Variants in MED13L observed in about 807,000 individuals in gnomAD.
MED13L encodes the protein mediator complex subunit 13L.
MED13L carries 7 observed loss-of-function variants against 220.9 expected under a neutral mutation model. That is an observed-to-expected ratio of 0.03 (90% CI 0.02 to 0.06). MED13L has a LOEUF of 0.06. MED13L is among the 10% of genes least tolerant of loss of function. The probability of loss-of-function intolerance (pLI) is 1.00; values close to 1 mark genes in which losing one functional copy is unlikely to be tolerated. For synonymous variants in MED13L, 1,011 were observed against 1,015.2 expected (o/e 1.00, Z 0.08); for missense variants, 1,965 against 2,760.5 (o/e 0.71, Z 6.46).
intron 2 of MED13L, among the ~76,000 whole-genome samples, chr12:116,217,602 G>A (rs950911364): frequency 6.6e-6 from 1 of 152,108 alleles, no homozygotes. Context: ...ACTTTGAAGA[G>A]GCAAAAACAC....
intron 4 of MED13L, among the ~76,000 whole-genome samples, chr12:116,082,866 C>T (rs1871326389): frequency 6.6e-6 from 1 of 152,108 alleles, no homozygotes; most frequent in African/African-American, 2.4e-5. Flanking sequence ...CCAGCATCTG[C>T]TTTTAATGAA....
At chr12:116,163,110 T>C (rs1476148557) in intron 2 of MED13L, among the ~76,000 whole-genome samples, 3 of 152,154 alleles carry the variant, frequency 2.0e-5, no homozygotes, top group Non-Finnish European at 4.4e-5. Context: ...ATGGCAAGAC[T>C]GAAGATTACT....
intron 4 of MED13L, among the ~76,000 whole-genome samples, chr12:116,051,908 A>C (rs1379433312): frequency 6.6e-6 from 1 of 152,196 alleles, no homozygotes; most frequent in Non-Finnish European, 1.5e-5. Flanking sequence ...GAATGCAAGG[A>C]ATAAGATGAA....
At position 116,003,014 on chromosome 12, in the gene MED13L, G is replaced by A; in HGVS notation, c.2558C>T (p.Pro853Leu). ...PLGKDGRAAV[P>L]YPPTVADLQR... is the part of the protein sequence containing the mutation. ...GTTTCTCTACCTACTTGGTGGATAA[G>A]GAACAGCAGCTCTTCCATCCTTCCC... Residue 853 changes from proline to leucine, a missense_variant, in exon 14 of 31, where the codon CCT becomes CTT. This residue lies in a region of MED13L where 9 missense variants were observed against 39.6 expected (regional missense o/e 0.23). Transcript: ENST00000281928. 6.2e-7 allele frequency: 1 copy of A among 1,613,876 alleles called. No homozygotes were observed. The highest frequency in any genetic ancestry group is 8.5e-7 in the Non-Finnish European group (1 of 1,179,766).
chr12:116,104,618 C>G (rs911835331), intron 3 of MED13L, among the ~76,000 whole-genome samples: 2 of 152,164 alleles, frequency 1.3e-5, no homozygotes, highest in Non-Finnish European at 2.9e-5. Context: ...TTATGTTTTA[C>G]AAATGTCAGA....
intron 2 of MED13L, among the ~76,000 whole-genome samples, chr12:116,165,248 T>C (rs1024670222): frequency 7.0e-5 from 10 of 142,704 alleles, no homozygotes; most frequent in Non-Finnish European, 1.5e-4. Flanking sequence ...GGCAATGAAG[T>C]AGGCACCATC....
chr12:116,274,124 T>C (rs751763918), intron 1 of MED13L, among the ~76,000 whole-genome samples: 8 of 152,162 alleles, frequency 5.3e-5, no homozygotes, highest in Non-Finnish European at 7.4e-5. Flanking sequence ...ACCCATATCA[T>C]ATATACACAA....
At chr12:116,045,299 T>C (rs1249853875) in intron 4 of MED13L, among the ~76,000 whole-genome samples, 2 of 152,200 alleles carry the variant, frequency 1.3e-5, no homozygotes, top group Non-Finnish European at 2.9e-5. Context: ...TGGGCCTACA[T>C]AGTACTGAGT....
At chr12:115,983,765 G>GA (rs1235826006) in intron 20 of MED13L, among the ~76,000 whole-genome samples, 3 of 152,148 alleles carry the variant, frequency 2.0e-5, no homozygotes, top group African/African-American at 7.2e-5. Context: ...TTTGAAAAGA[G>GA]AAAATCAATC....
At chr12:116,269,594 C>T (rs570972480) in intron 1 of MED13L, among the ~76,000 whole-genome samples, 1 of 151,736 alleles carries the variant, frequency 6.6e-6, no homozygotes, top group Non-Finnish European at 1.5e-5. Context: ...GGGGAGGCTG[C>T]GGTGGGAGGA....
At chr12:115,988,843 C>T (rs750058133) in intron 17 of MED13L, among the ~76,000 whole-genome samples, 6 of 152,166 alleles carry the variant, frequency 3.9e-5, no homozygotes, top group Admixed American at 2.0e-4. Flanking sequence ...GTCCGAAGGC[C>T]TATCTAGTAA....
Position 115,966,123 on chromosome 12 carries a change from A to G in MED13L, c.6346T>C (p.Ser2116Pro), listed in dbSNP as rs1876141794. ...AENLPQWFWS[S>P]CPQAQNQCPL... ...CACTGGTTTTGAGCCTGGGGACACG[A>G]TGACCAAAACCACTGGGGAAGATTC... is the stretch of plus-strand genomic sequence containing the variant. The change falls in exon 29 of 31, where the codon TCG (serine) becomes CCG (proline). Residue 2116 changes from serine to proline, a missense_variant. Physicochemically the swap from Ser to Pro is moderately conservative, Grantham distance 74. Transcript: ENST00000281928. 1.9e-6 allele frequency: 3 copies of G among 1,614,090 alleles called. No homozygotes were observed. In the African/African-American group the frequency reaches 4.0e-5, roughly 22 times the overall value.
chr12:116,083,844 G>A (rs1174648115), intron 4 of MED13L, among the ~76,000 whole-genome samples: 4 of 152,112 alleles, frequency 2.6e-5, no homozygotes, highest in Non-Finnish European at 4.4e-5. Flanking sequence ...TTCTGAAAAT[G>A]CCTGACGTGT....
chr12:116,246,282 A>C (rs1053799760), intron 1 of MED13L, among the ~76,000 whole-genome samples: 1 of 152,080 alleles, frequency 6.6e-6, no homozygotes, highest in Non-Finnish European at 1.5e-5. Flanking sequence ...TACACCAAGA[A>C]GTCTGAAGAT....
At chr12:116,097,126 C>A (rs1414632088) in intron 3 of MED13L, among the ~76,000 whole-genome samples, 1 of 151,884 alleles carries the variant, frequency 6.6e-6, no homozygotes, top group South Asian at 2.1e-4. Flanking sequence ...CAGAGATATT[C>A]ATCCAAGCCA....
rs144993589 is a variant in MED13L at position 116,166,488 on chromosome 12, G to A, written c.311-54976C>T. On this transcript the variant is annotated intron_variant, in intron 2 of 30. Coordinates refer to ENST00000281928, the MANE Select transcript of MED13L (RefSeq NM_015335.5). ...AGTCCCAACTACTCGGGAGGCTAAG[G>A]CATGAGAATCACTTGAGCCCGGGAC... 7.2e-5 allele frequency among the ~76,000 whole-genome samples: 11 copies of A among 152,186 alleles called. No individual in the cohort carries two copies. The East Asian group carries it at 2.1e-3, about 29-fold the overall frequency.
intron 30 of MED13L, 90 bp from the exon 31 acceptor site, chr12:115,961,488 A>C: frequency 6.5e-7 from 1 of 1,548,868 alleles, no homozygotes; most frequent in Non-Finnish European, 8.9e-7. Context: ...CTTAGCAGGA[A>C]GGAGGTCTCA....
At chr12:115,974,722 G>A (rs1592903848) in intron 25 of MED13L, among the ~76,000 whole-genome samples, 1 of 152,262 alleles carries the variant, frequency 6.6e-6, no homozygotes, top group South Asian at 2.1e-4. Flanking sequence ...CATGAAACAG[G>A]ATTTCTTTGC....
At chr12:116,251,922 G>C (rs1871603687) in intron 1 of MED13L, among the ~76,000 whole-genome samples, 1 of 151,728 alleles carries the variant, frequency 6.6e-6, no homozygotes, top group Admixed American at 6.6e-5. Flanking sequence ...TTGACACCAA[G>C]AGAAGTACTA....
Sources: gnomAD v4.1 joint callset for allele counts (sites outside exome capture counted in the v4.1 genomes callset) on GRCh38, gnomAD v4.1.1 for gene constraint, gnomAD v4.1.1 regional missense constraint, MANE v1.5 for transcripts, NCBI Gene and HGNC (gene_info 2026-07-23, HGNC 2026-07-21) for gene names.